TAF2: variants seen among roughly 807,000 people sequenced by gnomAD.
TAF2 encodes the protein TATA-box binding protein associated factor 2.
In TAF2, 61 loss-of-function variants were observed where a neutral mutation model predicts 138.5. That is an observed-to-expected ratio of 0.44 (90% CI 0.36 to 0.54). TAF2 has a LOEUF of 0.54. Among genes scored for constraint, TAF2 ranks in the 20% least tolerant of loss-of-function variants. TAF2 has a pLI of 0.00. For synonymous variants in TAF2, 475 were observed against 469.9 expected, an observed-to-expected ratio of 1.01 and a Z score of -0.14; for missense variants, 1,090 against 1,427.9, an observed-to-expected ratio of 0.76 and a Z score of 3.81.
intron 2 of TAF2, among the ~76,000 whole-genome samples, chr8:119,829,394 T>A (rs1380601487): frequency 1.3e-5 from 2 of 152,074 alleles, no homozygotes; most frequent in East Asian, 3.9e-4. Context: ...AACTTCCCCT[T>A]CCCGTTGTTG....
chr8:119,819,410 C>A lies in TAF2; in HGVS notation c.235G>T (p.Asp79Tyr), dbSNP rs1158167237. The change falls in exon 3 of 26, where the codon GAT becomes TAT. Residue 79 changes from aspartate (D) to tyrosine (Y), a missense_variant. This residue lies in a region of TAF2 where 504 missense variants were observed against 680.9 expected (regional missense o/e 0.74). Coordinates refer to ENST00000378164, the MANE Select transcript of TAF2 (RefSeq NM_003184.4). The part of the protein sequence containing the change: ...QCRIYRVRIN[D>Y]LEAAFIYNDP... The stretch of plus-strand genomic sequence containing the variant: ...TTATAAATAAAAGCAGCCTCTAAAT[C>A]ATTGATCCTTACTCGGTATATTCTA... 6.2e-7 allele frequency: 1 copy of A among 1,612,922 alleles called. No homozygotes were observed.
intron 3 of TAF2, among the ~76,000 whole-genome samples, chr8:119,808,628 C>T (rs759918555): frequency 5.3e-5 from 8 of 152,188 alleles, no homozygotes; most frequent in East Asian, 1.9e-4. Context: ...TTATGAAATG[C>T]ATTTCTTAAA....
At chr8:119,809,483 C>T (rs2131228537) in intron 3 of TAF2, among the ~76,000 whole-genome samples, 1 of 152,290 alleles carries the variant, frequency 6.6e-6, no homozygotes, top group Middle Eastern at 3.4e-3. Flanking sequence ...CTTTTAATTT[C>T]CTTCAAGAAC....
In TAF2 at chr8:119,799,555, T is replaced by G. The variant is rs575585519; in HGVS notation, c.793-1709A>C. 2.0e-5 allele frequency among the ~76,000 whole-genome samples: 3 copies of G among 152,352 alleles called. No homozygotes were observed. The South Asian group carries it at 6.2e-4, about 32-fold the overall frequency. On this transcript the variant is annotated intron_variant, in intron 6 of 25. Coordinates refer to ENST00000378164, the MANE Select transcript of TAF2 (RefSeq NM_003184.4). ...ACATTTTCTTAATCCAGCCTATCAC[T>G]GATGGACTGGGTTGGTTCCAAGTCT...
Position 119,762,434 on chromosome 8 carries a change from T to C in TAF2, c.2539A>G (p.Arg847Gly), listed in dbSNP as rs1821128452. The C allele has an allele frequency of 2.5e-6, 4 of 1,613,772 alleles. No homozygotes were observed. Among genetic ancestry groups the C allele is most frequent in the African/African-American group, 1.3e-5 (1 of 74,922 alleles). Residue 847 changes from arginine (R) to glycine (G), a missense_variant, in exon 19 of 26, where the codon AGG becomes GGG. By Grantham distance (125) the Arg-to-Gly change is moderately radical. This residue lies in a region of TAF2 where 580 missense variants were observed against 719.6 expected (regional missense o/e 0.81). Coordinates refer to ENST00000378164, the MANE Select transcript of TAF2 (RefSeq NM_003184.4). ...TCATACCTGACAGTGATGGTATGCCTGTAACTCGGAAGAAGTTTTTCCATA... is the reference window on the plus strand; with the variant it reads ...TCATACCTGACAGTGATGGTATGCCCGTAACTCGGAAGAAGTTTTTCCATA... ...LNMEKLLPSYRHTITVSCLRA... is the reference protein window; with the variant it reads ...LNMEKLLPSYGHTITVSCLRA...
intron 24 of TAF2, among the ~76,000 whole-genome samples, chr8:119,742,861 C>T (rs777095557): frequency 6.6e-6 from 1 of 151,890 alleles, no homozygotes; most frequent in Non-Finnish European, 1.5e-5. Context: ...GAGGGAGGAT[C>T]GCTTGATGCC....
At position 119,801,964 on chromosome 8, in the gene TAF2, C is replaced by T. The variant is rs766982842; in HGVS notation, c.622G>A (p.Val208Ile). ...GAAACAGCAACCATTGCAGCATCTA[C>T]TGTAAATTCTAATTTCCATGTACAC... ...ELCTWKLEFT[V>I]DAAMVAVSNG... The change falls in exon 6 of 26, where the codon GTA becomes ATA. Residue 208 changes from valine (V) to isoleucine (I), a missense_variant. Physicochemically the swap from Val to Ile is conservative, Grantham distance 29. Transcript: ENST00000378164. The T allele has an allele frequency of 1.2e-5, 19 of 1,614,036 alleles. No homozygotes were observed. In the South Asian group the frequency reaches 2.1e-4, roughly 18 times the overall value.
chr8:119,827,428 C>T (rs1365241741), intron 2 of TAF2, among the ~76,000 whole-genome samples: 1 of 152,214 alleles, frequency 6.6e-6, no homozygotes, highest in East Asian at 1.9e-4. Context: ...CCCCAAAGTG[C>T]ATGGAATGTA....
intron 20 of TAF2, 64 bp downstream of exon 20, chr8:119,760,535 A>C: frequency 6.3e-7 from 1 of 1,584,836 alleles, no homozygotes; most frequent in Non-Finnish European, 8.6e-7. Flanking sequence ...CCCCAACAAC[A>C]CTGGCTTTAA....
At chr8:119,824,839 G>C (rs1014472872) in intron 2 of TAF2, among the ~76,000 whole-genome samples, 1 of 152,256 alleles carries the variant, frequency 6.6e-6, no homozygotes, top group African/African-American at 2.4e-5. Context: ...CCTCCACCTA[G>C]ATTTCAGAAG....
In TAF2 at chr8:119,778,064, T is replaced by C. The variant is rs1509348; in HGVS notation, c.2319A>G (p.Thr773=). The C allele has an allele frequency of 0.56, 891,382 of 1,583,444 alleles. 254,170 individuals carry two copies. Among genetic ancestry groups the C allele is most frequent in the Middle Eastern group, 0.69 (4,060 of 5,896 alleles). The change falls in exon 18 of 26, where the codon ACA becomes ACG. Residue 773 remains threonine, a synonymous_variant. Transcript: ENST00000378164. The part of the protein sequence containing the change: ...VHNLCPKEVL[T]FILDLIKYND... ...TGTACTTGATTAAGTCTAAAATAAA[T>C]GTTAAGACTTCTTTAGGACAAAGAT... is the stretch of plus-strand genomic sequence containing the variant.
rs1160106922 is a variant in TAF2, at chr8:119,775,978, CTGAGCCATT to C, written c.2364+2032_2364+2040del. Reference sequence around the variant, plus strand: ...ATTTAGTATTAAATTACATGAAAATCTGAGCCATTTGAGCAAAACAATAATGAAAGAATA... The same window carrying C: ...ATTTAGTATTAAATTACATGAAAATCTGAGCAAAACAATAATGAAAGAATA... On this transcript the variant is annotated intron_variant, in intron 18 of 25. Coordinates refer to ENST00000378164, the MANE Select transcript of TAF2 (RefSeq NM_003184.4). 8.5e-5 allele frequency among the ~76,000 whole-genome samples: 13 copies of C among 152,256 alleles called. No individual in the cohort carries two copies. The South Asian group carries it at 2.5e-3, about 29-fold the overall frequency.
chr8:119,782,398 A>T (rs1822729261), intron 16 of TAF2, among the ~76,000 whole-genome samples: 1 of 152,246 alleles, frequency 6.6e-6, no homozygotes, highest in East Asian at 1.9e-4. Context: ...GATCACAAAG[A>T]TCTTTATAGA....
At chr8:119,769,883 A>G (rs1323155050) in intron 18 of TAF2, among the ~76,000 whole-genome samples, 5 of 151,114 alleles carry the variant, frequency 3.3e-5, no homozygotes, top group African/African-American at 1.2e-4. Flanking sequence ...TCAGCCCCCC[A>G]AGTAGCTGGG....
At chr8:119,788,485 T>A in intron 13 of TAF2, 38 bp from the exon 14 acceptor site, 1 of 1,481,924 alleles carries the variant, frequency 6.7e-7, no homozygotes, top group Non-Finnish European at 9.4e-7. Context: ...AGATGTGATT[T>A]AAAAAATACC....
intron 2 of TAF2, among the ~76,000 whole-genome samples, chr8:119,823,357 G>C (rs1825907061): frequency 6.6e-6 from 1 of 152,164 alleles, no homozygotes; most frequent in Non-Finnish European, 1.5e-5. Flanking sequence ...ATTCTCATGT[G>C]TTGTGGGAGA....
At chr8:119,793,532 T>C in intron 9 of TAF2, 81 bp from the exon 10 acceptor site, 1 of 952,494 alleles carries the variant, frequency 1.0e-6, no homozygotes, top group Non-Finnish European at 1.7e-6. Flanking sequence ...AATTAAACTG[T>C]GAATTCTCAT....
At chr8:119,824,743 C>T (rs1431476416) in intron 2 of TAF2, among the ~76,000 whole-genome samples, 1 of 152,224 alleles carries the variant, frequency 6.6e-6, no homozygotes, top group Non-Finnish European at 1.5e-5. Flanking sequence ...GCCATAGTTT[C>T]AGATGGTACA....
chr8:119,732,017 A>G lies in TAF2; in HGVS notation c.3507T>C (p.His1169=). The part of the protein sequence containing the change: ...KKHKHKHKHK[H]KHDSKEKDKE... ...TGTCCTTTTCTTTACTGTCATGCTT[A>G]TGCTTGTGTTTGTGCTTATGTTTAT... The change falls in exon 26 of 26, where the codon CAT becomes CAC. Residue 1169 remains histidine, a synonymous_variant. Coordinates refer to ENST00000378164, the MANE Select transcript of TAF2 (RefSeq NM_003184.4). The G allele has an allele frequency of 6.2e-7, 1 of 1,614,142 alleles. No individual in the cohort carries two copies. The highest frequency in any genetic ancestry group is 1.1e-5 in the South Asian group (1 of 91,076).
Sources: gnomAD v4.1 joint callset for allele counts (sites outside exome capture counted in the v4.1 genomes callset) on GRCh38, gnomAD v4.1.1 for gene constraint, gnomAD v4.1.1 regional missense constraint, MANE v1.5 for transcripts, NCBI Gene and HGNC (gene_info 2026-07-23, HGNC 2026-07-21) for gene names.